Variants in KCNAB1 observed in about 807,000 individuals in gnomAD.
KCNAB1 encodes potassium voltage-gated channel subfamily A regulatory beta subunit 1, also known as voltage-gated potassium channel subunit beta-1.
KCNAB1 carries 35 observed loss-of-function variants against 64.6 expected under a neutral mutation model. The ratio of observed to expected loss-of-function variants is 0.54; its 90% CI spans 0.41 to 0.72. The LOEUF is 0.72. Among genes scored for constraint, KCNAB1 ranks in the 30% least tolerant of loss-of-function variants. The pLI is 0.00. For missense variants in KCNAB1, 401 were observed against 512.9 expected, an observed-to-expected ratio of 0.78 and a Z score of 2.11; for synonymous variants, 177 against 183.8, an observed-to-expected ratio of 0.96 and a Z score of 0.30.
Position 156,179,422 on chromosome 3 carries a change from C to A in KCNAB1, c.275+58536C>A, listed in dbSNP as rs1236086937. Among the ~76,000 whole-genome samples, 13 of 112,790 alleles carry A rather than the reference C, an allele frequency of 1.2e-4. 1 individual carries two copies. Among genetic ancestry groups the A allele is most frequent in the Non-Finnish European group, 2.3e-4 (12 of 53,232 alleles). 74.0% of individuals were successfully genotyped at this position (112,790 alleles called of 152,430 possible). On this transcript the variant is annotated intron_variant, in intron 1 of 13. Transcript: ENST00000490337. ...TATTATTCCCTGGTTTGGAACCCCC[C>A]CCCCCACCCCCTCACCCCCTGCGTT...
At chr3:156,291,846 A>G (rs940308850) in intron 1 of KCNAB1, 35 of 1,605,216 alleles carry the variant, frequency 2.2e-5, no homozygotes, top group Non-Finnish European at 2.4e-5. Flanking sequence ...CAACTGCTCA[A>G]CCTCTCGTGA....
chr3:156,447,547 A>G (rs978108024), intron 2 of KCNAB1, among the ~76,000 whole-genome samples: 2 of 152,200 alleles, frequency 1.3e-5, no homozygotes, highest in African/African-American at 4.8e-5. Context: ...CTATAATAAT[A>G]TATTCAAACC....
At chr3:156,182,990 G>A (rs1476779378) in intron 1 of KCNAB1, among the ~76,000 whole-genome samples, 2 of 152,210 alleles carry the variant, frequency 1.3e-5, no homozygotes, top group South Asian at 2.1e-4. Context: ...GAGCCACTGC[G>A]CCCAGCCGAC....
chr3:156,456,786 A>C (rs537771486), intron 3 of KCNAB1: 1 of 152,464 alleles, frequency 6.6e-6, no homozygotes, highest in Admixed American at 6.5e-5. Flanking sequence ...GTGTATAGCT[A>C]TTCTGTACTC....
In KCNAB1 at chr3:156,459,353, C is replaced by T. The variant is rs534628266; in HGVS notation, c.438-474C>T. On this transcript the variant is annotated intron_variant, in intron 4 of 13. Transcript: ENST00000490337. ...AAGATGTTCTGTACGCGAGTGTTCTCTATGTGGGACATCTAAACCCACACA... is the reference window on the plus strand; with the variant it reads ...AAGATGTTCTGTACGCGAGTGTTCTTTATGTGGGACATCTAAACCCACACA... Among the ~76,000 whole-genome samples, 182 of 152,260 alleles carry T rather than the reference C, an allele frequency of 1.2e-3. 1 individual carries two copies. The highest frequency in any genetic ancestry group is 4.3e-3 in the African/African-American group (179 of 41,546).
chr3:156,188,288 G>A (rs911819176), intron 1 of KCNAB1, among the ~76,000 whole-genome samples: 4 of 151,460 alleles, frequency 2.6e-5, no homozygotes, highest in African/African-American at 9.7e-5. Flanking sequence ...AATAAAAATG[G>A]CCTACAATTC....
intron 1 of KCNAB1, among the ~76,000 whole-genome samples, chr3:156,142,375 T>A (rs1297872296): frequency 6.6e-6 from 1 of 152,256 alleles, no homozygotes; most frequent in African/African-American, 2.4e-5. Flanking sequence ...TACAAGTTTA[T>A]AGTTTTACAT....
chr3:156,292,973 G>A (rs1720542694), intron 1 of KCNAB1, among the ~76,000 whole-genome samples: 1 of 152,212 alleles, frequency 6.6e-6, no homozygotes, highest in South Asian at 2.1e-4. Flanking sequence ...ATTACTGCTT[G>A]AAATTAAATG....
intron 1 of KCNAB1, among the ~76,000 whole-genome samples, chr3:156,198,888 T>C (rs1030031908): frequency 8.6e-5 from 13 of 150,818 alleles, no homozygotes; most frequent in African/African-American, 2.2e-4. Context: ...AGTTTCTTCA[T>C]ATTGTCATTG....
chr3:156,296,590 C>A (rs1720801107), intron 1 of KCNAB1, among the ~76,000 whole-genome samples: 1 of 151,390 alleles, frequency 6.6e-6, no homozygotes, highest in Non-Finnish European at 1.5e-5. Flanking sequence ...TCTCCTGCCT[C>A]AGCCTCCCGA....
At chr3:156,277,011 A>G (rs1446952188) in intron 1 of KCNAB1, among the ~76,000 whole-genome samples, 2 of 152,116 alleles carry the variant, frequency 1.3e-5, no homozygotes, top group Non-Finnish European at 2.9e-5. Context: ...TAAGCTTAAT[A>G]ATTTCTAGCT....
At chr3:156,410,770 G>T (rs1044301369) in intron 1 of KCNAB1, among the ~76,000 whole-genome samples, 1 of 152,170 alleles carries the variant, frequency 6.6e-6, no homozygotes, top group Admixed American at 6.5e-5. Context: ...TTAGCAAAAT[G>T]CCTTTAATTC....
chr3:156,277,153 G>C (rs376288583), intron 1 of KCNAB1, among the ~76,000 whole-genome samples: 1 of 152,098 alleles, frequency 6.6e-6, no homozygotes, highest in Non-Finnish European at 1.5e-5. Context: ...GGGAGATGAG[G>C]GAATAGCTGG....
At chr3:156,211,878 A>G (rs1017628017) in intron 1 of KCNAB1, among the ~76,000 whole-genome samples, 1 of 152,218 alleles carries the variant, frequency 6.6e-6, no homozygotes, top group African/African-American at 2.4e-5. Context: ...AGAGCTGTTC[A>G]CAGGAAGAGG....
intron 1 of KCNAB1, among the ~76,000 whole-genome samples, chr3:156,293,635 C>A (rs1720598711): frequency 6.6e-6 from 1 of 152,242 alleles, no homozygotes; most frequent in African/African-American, 2.4e-5. Context: ...TTTACCCCAG[C>A]TGCAGTACAA....
At chr3:156,376,331 T>G (rs1711658484) in intron 1 of KCNAB1, among the ~76,000 whole-genome samples, 2 of 151,536 alleles carry the variant, frequency 1.3e-5, no homozygotes, top group Non-Finnish European at 2.9e-5. Context: ...GAAAGAATGG[T>G]GAGAGGAGGG....
chr3:156,208,683 C>A (rs1312472569), intron 1 of KCNAB1, among the ~76,000 whole-genome samples: 2 of 152,140 alleles, frequency 1.3e-5, no homozygotes, highest in Non-Finnish European at 2.9e-5. Flanking sequence ...TGTGAGAAAC[C>A]AGAACAAACT....
Position 156,510,728 on chromosome 3 carries a change from C to G in KCNAB1, c.659-3636C>G, listed in dbSNP as rs112889570. Among the ~76,000 whole-genome samples the G allele has an allele frequency of 7.8e-3, 1,195 of 152,258 alleles. 10 individuals carry two copies. The highest frequency in any genetic ancestry group is 0.02 in the African/African-American group (812 of 41,530). On this transcript the variant is annotated intron_variant, in intron 8 of 13. Coordinates refer to ENST00000490337, the MANE Select transcript of KCNAB1 (RefSeq NM_172160.3). The stretch of plus-strand genomic sequence containing the variant: ...CTGCAGTGGTCTCCCTACATATGGC[C>G]AAATCCAGTGGACACTGTTTGGGGC...
intron 1 of KCNAB1, chr3:156,273,550 C>G (rs144971455): frequency 7.0e-5 from 32 of 456,426 alleles, no homozygotes; most frequent in Non-Finnish European, 1.0e-4. Flanking sequence ...CTCCCCTAAG[C>G]ACACAGATGC....
Sources: gnomAD v4.1 joint callset for allele counts (sites outside exome capture counted in the v4.1 genomes callset) on GRCh38, gnomAD v4.1.1 for gene constraint, MANE v1.5 for transcripts, NCBI Gene and HGNC (gene_info 2026-07-23, HGNC 2026-07-21) for gene names.